The following OSBPL3 variants were observed in gnomAD, a reference collection of about 807,000 sequenced individuals.
OSBPL3 encodes the protein oxysterol-binding protein-related protein 3.
Under a neutral mutation model 120.1 loss-of-function variants are expected in OSBPL3, and 65 were observed. That is an observed-to-expected ratio of 0.54 (90% CI 0.44 to 0.67). OSBPL3 has a LOEUF of 0.67. Among genes scored for constraint, OSBPL3 ranks in the 30% least tolerant of loss-of-function variants. OSBPL3 has a pLI of 0.00. For synonymous variants in OSBPL3, 416 were observed against 402.6 expected (o/e 1.03, Z -0.40); for missense variants, 1,004 against 1,082.1 (o/e 0.93, Z 1.01).
chr7:24,948,827 A>G (rs999267620), intron 1 of OSBPL3, among the ~76,000 whole-genome samples: 1 of 152,254 alleles, frequency 6.6e-6, no homozygotes, highest in Non-Finnish European at 1.5e-5. Flanking sequence ...AGGTGTGGAT[A>G]CAAAGTATAT....
intron 1 of OSBPL3, among the ~76,000 whole-genome samples, chr7:24,907,900 G>C (rs532952300): frequency 4.1e-4 from 62 of 152,318 alleles, no homozygotes; most frequent in Non-Finnish European, 7.5e-4. Context: ...AATTTACAAA[G>C]ACTGGTAGCA....
At chr7:24,980,503 G>A (rs960124933), upstream of OSBPL3, among the ~76,000 whole-genome samples, 1 of 152,036 alleles carries the variant, frequency 6.6e-6, no homozygotes, top group African/African-American at 2.4e-5. Context: ...TAGGCGTTCG[G>A]TAAATGTTCC....
Position 24,852,685 on chromosome 7 carries a change from C to G in OSBPL3, c.1028-51G>C. ...AGGAATAAGGAGGCATAATTAAAAA[C>G]AAAATACAGAAAAAAACATATCTCT... On this transcript the variant is annotated intron_variant, in intron 10 of 22. Coordinates refer to ENST00000313367, the MANE Select transcript of OSBPL3 (RefSeq NM_015550.4). The surrounding 1 kb of genome is among the most constrained non-coding windows in gnomAD (Gnocchi z 4.1). 8.0e-7 allele frequency: 1 copy of G among 1,250,540 alleles called. No individual in the cohort carries two copies. The highest frequency in any genetic ancestry group is 1.1e-6 in the Non-Finnish European group (1 of 919,744). 77.5% of individuals were successfully genotyped at this position (1,250,540 alleles called of 1,614,324 possible).
Position 24,892,469 on chromosome 7 carries a change from T to C in OSBPL3, c.4A>G (p.Met2Val), listed in dbSNP as rs774509790. ...ACACCAAGGTTCTTCTCATCACTCA[T>C]CATGGACAGCAAGTCACTTGGCCTC... M[M>V]SDEKNLGVSQ... The change falls in exon 2 of 23, where the codon ATG (methionine) becomes GTG (valine). Residue 2 changes from methionine (M) to valine (V), a missense_variant. Around this residue, in one of 4 missense-constraint regions of OSBPL3, gnomAD observed 255 missense variants for 248.7 expected, o/e 1.03. Coordinates refer to ENST00000313367, the MANE Select transcript of OSBPL3 (RefSeq NM_015550.4). 1.9e-6 allele frequency: 3 copies of C among 1,612,458 alleles called. No individual in the cohort carries two copies. Among genetic ancestry groups the C allele is most frequent in the South Asian group, 1.1e-5 (1 of 90,910 alleles).
intron 19 of OSBPL3, among the ~76,000 whole-genome samples, chr7:24,812,238 C>T (rs568579531): frequency 7.3e-6 from 1 of 137,310 alleles, no homozygotes; most frequent in East Asian, 2.2e-4. Flanking sequence ...ACCCGGGAGG[C>T]GGAAGTTGCT....
rs1442894791 is a variant in OSBPL3, at chr7:24,820,284, G to A, written c.1885-46C>T. 7.8e-6 allele frequency: 11 copies of A among 1,413,852 alleles called. No homozygotes were observed. The highest frequency in any genetic ancestry group is 1.1e-5 in the Non-Finnish European group (11 of 1,004,910). 87.6% of individuals were successfully genotyped at this position (1,413,852 alleles called of 1,614,324 possible). A position where few individuals can be genotyped will look rare whatever the true frequency, so the allele number is the denominator to read the frequency against. ...AAAAACAAAAAATGAATGAACTTTT[G>A]TGTCTCATGAAATCCATTCTTTCTC... On this transcript the variant is annotated intron_variant, in intron 16 of 22. Coordinates refer to ENST00000313367, the MANE Select transcript of OSBPL3 (RefSeq NM_015550.4). The surrounding 1 kb of genome is among the most constrained non-coding windows in gnomAD (Gnocchi z 4.6).
In OSBPL3 at chr7:24,863,875, C is replaced by G. The variant is rs1012401722; in HGVS notation, c.674-276G>C. 6.6e-6 allele frequency among the ~76,000 whole-genome samples: 1 copy of G among 152,156 alleles called. No individual in the cohort carries two copies. The highest frequency in any genetic ancestry group is 2.4e-5 in the African/African-American group (1 of 41,436). On this transcript the variant is annotated intron_variant, in intron 7 of 22. Coordinates refer to ENST00000313367, the MANE Select transcript of OSBPL3 (RefSeq NM_015550.4). The surrounding 1 kb of genome is among the most constrained non-coding windows in gnomAD (Gnocchi z 5.8). The stretch of plus-strand genomic sequence containing the variant: ...AAACTGCATGCCTCAACTTCCTCAT[C>G]AGAAAGATGGGGATAATTATACATC...
chr7:24,842,283 T>A lies in OSBPL3; in HGVS notation c.1397A>T (p.Asn466Ile). 1 of 1,612,850 alleles carries A rather than the reference T, an allele frequency of 6.2e-7. No individual in the cohort carries two copies. The highest frequency in any genetic ancestry group is 8.5e-7 in the Non-Finnish European group (1 of 1,179,814). Residue 466 changes from asparagine to isoleucine, a missense_variant, in exon 13 of 23, where the codon AAC (asparagine) becomes ATC (isoleucine). By Grantham distance (149) the Asn-to-Ile change is moderately radical (BLOSUM62 -3). This residue lies in a region of OSBPL3 where 473 missense variants were observed against 568.0 expected (regional missense o/e 0.83). Transcript: ENST00000313367. ...TACTGTAAACATTGCTCAAACCTCG[T>A]TTTCTGAAGAGCTTGGAGATAACAG... ...EVLLSPSSSENEISDDDSYVS... is the reference protein window; with the variant it reads ...EVLLSPSSSEIEISDDDSYVS...
rs1487396960 is a variant in OSBPL3, at chr7:24,830,199, C to T, written c.1884+569G>A. 1.3e-5 allele frequency among the ~76,000 whole-genome samples: 2 copies of T among 152,132 alleles called. No homozygotes were observed. The highest frequency in any genetic ancestry group is 2.9e-5 in the Non-Finnish European group (2 of 68,024). ...GCTGCATGAGTACAAGGTTGTGCAT[C>T]CATCAGATGAGGGCAGGGACTCCTG... On this transcript the variant is annotated intron_variant, in intron 16 of 22. Coordinates refer to ENST00000313367, the MANE Select transcript of OSBPL3 (RefSeq NM_015550.4). This position sits in a 1 kb window ranked among gnomAD's most constrained non-coding sequence, Gnocchi z 4.4.
chr7:24,852,799 C>T lies in OSBPL3; in HGVS notation c.1028-165G>A, dbSNP rs1293138042. The stretch of plus-strand genomic sequence containing the variant: ...CTTGACTTTTAAAAAACACATTTGC[C>T]ATGTAGAACACGCTAATGTAAACTA... On this transcript the variant is annotated intron_variant, in intron 10 of 22. Coordinates refer to ENST00000313367, the MANE Select transcript of OSBPL3 (RefSeq NM_015550.4). This position sits in a 1 kb window ranked among gnomAD's most constrained non-coding sequence, Gnocchi z 4.1. 6.6e-6 allele frequency among the ~76,000 whole-genome samples: 1 copy of T among 152,034 alleles called. No homozygotes were observed. Among genetic ancestry groups the T allele is most frequent in the East Asian group, 1.9e-4 (1 of 5,202 alleles).
chr7:24,963,980 A>G (rs997330508), intron 1 of OSBPL3, among the ~76,000 whole-genome samples: 9 of 152,366 alleles, frequency 5.9e-5, no homozygotes, highest in African/African-American at 2.2e-4. Flanking sequence ...ACTTACATCA[A>G]AGGGATACAG....
intron 1 of OSBPL3, among the ~76,000 whole-genome samples, chr7:24,942,184 A>C (rs554415836): frequency 6.6e-6 from 1 of 151,896 alleles, no homozygotes; most frequent in Non-Finnish European, 1.5e-5. Context: ...TCAGAACTTT[A>C]TAAGAAAACA....
chr7:24,871,827 A>G lies in OSBPL3; in HGVS notation c.214-32T>C. Reference sequence around the variant, plus strand: ...GGAAGAAAGTATTATTAATTAAGGCATTCAATTTAGGTGCCCTTTTCTTGG... The same window carrying G: ...GGAAGAAAGTATTATTAATTAAGGCGTTCAATTTAGGTGCCCTTTTCTTGG... On this transcript the variant is annotated intron_variant, in intron 3 of 22. Coordinates refer to ENST00000313367, the MANE Select transcript of OSBPL3 (RefSeq NM_015550.4). The surrounding 1 kb of genome is among the most constrained non-coding windows in gnomAD (Gnocchi z 4.8). The G allele has an allele frequency of 6.4e-7, 1 of 1,570,634 alleles. No homozygotes were observed. The highest frequency in any genetic ancestry group is 8.8e-7 in the Non-Finnish European group (1 of 1,141,374).
At chr7:24,828,609 AAAAAAAAAAAAAG>A (rs1416480301) in intron 16 of OSBPL3, among the ~76,000 whole-genome samples, 8,956 of 125,944 alleles carry the variant, frequency 0.071, 955 homozygotes, top group African/African-American at 0.28. Flanking sequence ...TCTGTCTGAA[AAAAAAAAAAAAAG>A]AAAAAAAAAA....
chr7:24,806,209 G>A lies in OSBPL3; in HGVS notation c.2444+567C>T, dbSNP rs985769202. Among the ~76,000 whole-genome samples, 14 of 152,254 alleles carry A rather than the reference G, an allele frequency of 9.2e-5. No individual in the cohort carries two copies. The highest frequency in any genetic ancestry group is 2.0e-4 in the Admixed American group (3 of 15,308). ...TGACTTCAAGTGATCCGCCCGCTTC[G>A]GCCTCCCAAAGTGTTGTTTGTTTTT... On this transcript the variant is annotated intron_variant, in intron 21 of 22. Coordinates refer to ENST00000313367, the MANE Select transcript of OSBPL3 (RefSeq NM_015550.4). This position sits in a 1 kb window ranked among gnomAD's most constrained non-coding sequence, Gnocchi z 5.2.
At chr7:24,928,338 C>T (rs924872046) in intron 1 of OSBPL3, among the ~76,000 whole-genome samples, 5 of 151,982 alleles carry the variant, frequency 3.3e-5, no homozygotes, top group African/African-American at 9.7e-5. Context: ...ACTATAGGCG[C>T]CCGCCACCAC....
rs551000247 is a variant in OSBPL3, at chr7:24,966,830, A to G, written c.-150+13056T>C. Among the ~76,000 whole-genome samples, 2 of 152,364 alleles carry G rather than the reference A, an allele frequency of 1.3e-5. No individual in the cohort carries two copies. Among genetic ancestry groups the G allele is most frequent in the South Asian group, 2.1e-4 (1 of 4,834 alleles). ...CTTGTTGTGCCTCATGAGGCTGATCATTATTTCCCAGGCAAAATTCATATA... is the reference window on the plus strand; with the variant it reads ...CTTGTTGTGCCTCATGAGGCTGATCGTTATTTCCCAGGCAAAATTCATATA... On this transcript the variant is annotated intron_variant, in intron 1 of 22. Transcript: ENST00000313367. The surrounding 1 kb of genome is among the most constrained non-coding windows in gnomAD (Gnocchi z 4.8).
chr7:24,979,981 G>T lies in OSBPL3; in HGVS notation c.-245C>A. 6.1e-6 allele frequency: 6 copies of T among 985,452 alleles called. No homozygotes were observed. The highest frequency in any genetic ancestry group is 6.0e-6 in the Non-Finnish European group (5 of 830,022). The allele number at this position is 985,452 out of a possible 1,614,324, so 61.0% of individuals were successfully genotyped here. A position where few individuals can be genotyped will look rare whatever the true frequency, so the allele number is the denominator to read the frequency against. On this transcript the variant is annotated 5_prime_UTR_variant, in exon 1 of 23. Coordinates refer to ENST00000313367, the MANE Select transcript of OSBPL3 (RefSeq NM_015550.4). ...GGGAGAAGGCAACCCCGGCTTCTCC[G>T]GTACCCCCGCAACGTGCAGCTGACA...
rs1270528704 is a variant in OSBPL3, at chr7:24,813,668, C to T, written c.2172+1391G>A. Among the ~76,000 whole-genome samples the T allele has an allele frequency of 1.3e-5, 2 of 152,144 alleles. No homozygotes were observed. Among genetic ancestry groups the T allele is most frequent in the Non-Finnish European group, 2.9e-5 (2 of 68,024 alleles). On this transcript the variant is annotated intron_variant, in intron 19 of 22. Coordinates refer to ENST00000313367, the MANE Select transcript of OSBPL3 (RefSeq NM_015550.4). This position sits in a 1 kb window ranked among gnomAD's most constrained non-coding sequence, Gnocchi z 4.5. ...CTTCCTAAGTATTCCCTATAGGTTACAGGTGGTGCAGAGAGGCATTGCATG... is the reference window on the plus strand; with the variant it reads ...CTTCCTAAGTATTCCCTATAGGTTATAGGTGGTGCAGAGAGGCATTGCATG...
Sources: gnomAD v4.1 joint callset for allele counts (sites outside exome capture counted in the v4.1 genomes callset) on GRCh38, gnomAD v4.1.1 for gene constraint, gnomAD v4.1.1 regional missense constraint, Gnocchi (gnomAD v3.1) non-coding constraint, MANE v1.5 for transcripts, NCBI Gene and HGNC (gene_info 2026-07-23, HGNC 2026-07-21) for gene names.